Variants in C1orf54 observed in about 807,000 individuals in gnomAD.
C1orf54 encodes uncharacterized protein C1orf54.
In C1orf54, 12 loss-of-function variants were observed where a neutral mutation model predicts 14.7. The ratio of observed to expected loss-of-function variants is 0.82; its 90% CI spans 0.52 to 1.32. The LOEUF is 1.32. C1orf54 is among the 40% of genes most tolerant of loss of function. The pLI, the probability that C1orf54 is intolerant of heterozygous loss-of-function variation, is 0.00. For synonymous variants in C1orf54, 65 were observed against 56.3 expected, an observed-to-expected ratio of 1.16 and a Z score of -0.70; for missense variants, 163 against 162.2, an observed-to-expected ratio of 1.00 and a Z score of -0.03.
At chr1:150,274,250 C>T (rs1652448161) in intron 2 of C1orf54, 80 bp downstream of exon 2, 1 of 1,112,702 alleles carries the variant, frequency 9.0e-7, no homozygotes. Context: ...TTGCTCTTCA[C>T]TTTGAAGCAG....
chr1:150,275,760 C>T lies in C1orf54; in HGVS notation c.150C>T (p.Phe50=). The stretch of plus-strand genomic sequence containing the variant: ...CTGCAGATGACTTTAGTGCAGATTT[C>T]ACCATTGATTACTCCATATTTGAGT... ...TPSYDDFSAD[F]TIDYSIFESE... The change falls in exon 3 of 6, where the codon TTC becomes TTT. Residue 50 remains phenylalanine, a synonymous_variant. Transcript: ENST00000369099. The T allele has an allele frequency of 6.2e-7, 1 of 1,612,462 alleles. No individual in the cohort carries two copies. Among genetic ancestry groups the T allele is most frequent in the Non-Finnish European group, 8.5e-7 (1 of 1,178,576 alleles).
chr1:150,279,923 G>C (rs1157551878), intron 5 of C1orf54, among the ~76,000 whole-genome samples, 182 bp downstream of exon 5: 1 of 152,200 alleles, frequency 6.6e-6, no homozygotes, highest in Admixed American at 6.5e-5. Context: ...GGATGGTGAC[G>C]TGGGAGGATC....
At chr1:150,270,184 A>T (rs1350018214), upstream of C1orf54, among the ~76,000 whole-genome samples, 7 of 61,164 alleles carry the variant, frequency 1.1e-4, no homozygotes, top group Non-Finnish European at 1.8e-4. Flanking sequence ...TTGAAAGCAT[A>T]ATCAAAGTAC....
intron 4 of C1orf54, among the ~76,000 whole-genome samples, chr1:150,278,539 C>T (rs587736511): frequency 1.3e-5 from 2 of 152,244 alleles, no homozygotes; most frequent in South Asian, 4.1e-4. Context: ...TACACACAAG[C>T]TCAGAAGGCC....
chr1:150,277,743 A>G (rs1035335937), intron 4 of C1orf54, among the ~76,000 whole-genome samples: 1 of 152,170 alleles, frequency 6.6e-6, no homozygotes, highest in Non-Finnish European at 1.5e-5. Context: ...GTCTGGACTC[A>G]TAATCAACAA....
chr1:150,280,568 G>A (rs1257565861), intron 5 of C1orf54, among the ~76,000 whole-genome samples: 1 of 152,190 alleles, frequency 6.6e-6, no homozygotes, highest in Non-Finnish European at 1.5e-5. Flanking sequence ...TGTATGGCAG[G>A]GCGGTGGGAG....
intron 2 of C1orf54, among the ~76,000 whole-genome samples, chr1:150,275,262 TC>T (rs2101872726): frequency 6.6e-6 from 1 of 152,068 alleles, no homozygotes; most frequent in African/African-American, 2.4e-5. Flanking sequence ...GGTCTTGAAC[TC>T]CTGATCTCGT....
chr1:150,272,942 G>C, intron 1 of C1orf54, 79 bp downstream of exon 1: 2 of 1,479,884 alleles, frequency 1.4e-6, no homozygotes, highest in Non-Finnish European at 1.9e-6. Context: ...ATGAGGAGTG[G>C]GTGAGAGGTA....
rs1417531250 is a variant in C1orf54, at chr1:150,275,872, C to T, written c.189+73C>T. On this transcript the variant is annotated intron_variant, in intron 3 of 5. Coordinates refer to ENST00000369099, the MANE Select transcript of C1orf54 (RefSeq NM_024579.4). ...AAGAAACTGGCCGGGCGCAGTGGCT[C>T]ATGCCTATAATCCCAGCACTTTGGG... The T allele has an allele frequency of 2.1e-5, 29 of 1,355,682 alleles. No individual in the cohort carries two copies. The Admixed American group carries it at 4.9e-4, about 23-fold the overall frequency. The allele number at this position is 1,355,682 out of a possible 1,614,324, so 84.0% of individuals were successfully genotyped here.
upstream of C1orf54, chr1:150,268,822 T>A: frequency 1.2e-6 from 2 of 1,603,296 alleles, no homozygotes; most frequent in Non-Finnish European, 1.7e-6. Context: ...GCTGGTCAGG[T>A]GGGAAGGGGG....
At chr1:150,272,642 G>A (rs587639352), upstream of C1orf54, 20 of 641,846 alleles carry the variant, frequency 3.1e-5, no homozygotes, top group East Asian at 1.4e-4. Flanking sequence ...GCTGGGGACC[G>A]GCAGTAACCG....
At chr1:150,270,286 AC>A (rs1339555947), upstream of C1orf54, among the ~76,000 whole-genome samples, 2 of 152,206 alleles carry the variant, frequency 1.3e-5, no homozygotes, top group African/African-American at 4.8e-5. Context: ...GTGCACACTC[AC>A]ATACATGTTT....
At chr1:150,274,220 G>A (rs1553851928) in intron 2 of C1orf54, 50 bp downstream of exon 2, 1 of 1,350,898 alleles carries the variant, frequency 7.4e-7, no homozygotes, top group Admixed American at 1.8e-5. Flanking sequence ...AGAGGCTTCA[G>A]GATATTTAGT....
At chr1:150,269,319 C>T (rs1652041930), upstream of C1orf54, 1 of 164,012 alleles carries the variant, frequency 6.1e-6, no homozygotes, top group African/African-American at 2.4e-5. Context: ...GGGGGTAGAT[C>T]CTGTTTGAAT....
intron 5 of C1orf54, 87 bp from the exon 6 acceptor site, chr1:150,280,748 G>T: frequency 9.6e-7 from 1 of 1,040,744 alleles, no homozygotes; most frequent in East Asian, 2.6e-5. Flanking sequence ...AGAATATCTG[G>T]GGAGTTTCCA....
At chr1:150,274,376 G>A (rs1316821736) in intron 2 of C1orf54, among the ~76,000 whole-genome samples, 21 of 152,112 alleles carry the variant, frequency 1.4e-4, no homozygotes, top group Admixed American at 5.2e-4. Flanking sequence ...TGAGGCGGGC[G>A]GATCACGAGG....
At chr1:150,272,565 G>T, upstream of C1orf54, 2 of 517,310 alleles carry the variant, frequency 3.9e-6, no homozygotes, top group Non-Finnish European at 6.9e-6. Context: ...CTAATCTAGG[G>T]CAGGGGGAGC....
intron 1 of C1orf54, among the ~76,000 whole-genome samples, chr1:150,273,860 T>C (rs1652409165): frequency 6.6e-6 from 1 of 152,042 alleles, no homozygotes. Context: ...GTTCCTGGAT[T>C]GAAAGGGCAC....
Position 150,279,658 on chromosome 1 carries a change from G to A in C1orf54, c.316G>A (p.Asp106Asn), listed in dbSNP as rs782223192. 7.4e-6 allele frequency: 12 copies of A among 1,612,196 alleles called. No homozygotes were observed. Among genetic ancestry groups the A allele is most frequent in the Non-Finnish European group, 1.0e-5 (12 of 1,179,268 alleles). ...VTTEPSPDLN[D>N]AVSSLRSPIP... is the part of the protein sequence containing the mutation. ...ATTTTAGCAGAGTCCAGATCTGAACGATGCCGTGTCCAGTTTGCGAAGTCC... is the reference window on the plus strand; with the variant it reads ...ATTTTAGCAGAGTCCAGATCTGAACAATGCCGTGTCCAGTTTGCGAAGTCC... The change falls in exon 5 of 6, where the codon GAT (aspartate) becomes AAT (asparagine). Residue 106 changes from aspartate to asparagine, a missense_variant. By Grantham distance (23) the Asp-to-Asn change is conservative (BLOSUM62 1). Coordinates refer to ENST00000369099, the MANE Select transcript of C1orf54 (RefSeq NM_024579.4).
Sources: gnomAD v4.1 joint callset for allele counts (sites outside exome capture counted in the v4.1 genomes callset) on GRCh38, gnomAD v4.1.1 for gene constraint, MANE v1.5 for transcripts, NCBI Gene and HGNC (gene_info 2026-07-23, HGNC 2026-07-21) for gene names.